TTLL5: variants seen among roughly 807,000 people sequenced by gnomAD.
The protein encoded by TTLL5 is tubulin polyglutamylase TTLL5.
TTLL5 carries 132 observed loss-of-function variants against 168.4 expected under a neutral mutation model. The ratio of observed to expected loss-of-function variants is 0.78; its 90% CI spans 0.68 to 0.91. TTLL5 has a LOEUF of 0.91. Ranked by LOEUF, TTLL5 falls within the 40% of genes least tolerant of loss-of-function variation. The pLI, the probability that TTLL5 is intolerant of heterozygous loss-of-function variation, is 0.00. For synonymous variants in TTLL5, 546 were observed against 558.6 expected (o/e 0.98, Z 0.32); for missense variants, 1,545 against 1,581.5 (o/e 0.98, Z 0.39).
chr14:75,895,430 T>C (rs1168464080), intron 30 of TTLL5, among the ~76,000 whole-genome samples: 3 of 152,104 alleles, frequency 2.0e-5, no homozygotes, highest in Non-Finnish European at 2.9e-5. Flanking sequence ...ATGTCACAAA[T>C]GAAGGCTCCG....
chr14:75,839,262 C>T lies in TTLL5; in HGVS notation c.3326+19101C>T, dbSNP rs1406142554. The stretch of plus-strand genomic sequence containing the variant: ...TTTGTCTTGGAGAAGAAGAGTAATT[C>T]TATTTTTAAGTTTTCGAGGAACCAT... On this transcript the variant is annotated intron_variant, in intron 28 of 31. Coordinates refer to ENST00000298832, the MANE Select transcript of TTLL5 (RefSeq NM_015072.5). 3 of 152,298 alleles carry T rather than the reference C, an allele frequency of 2.0e-5. No homozygotes were observed. The East Asian group carries it at 5.8e-4, about 29-fold the overall frequency. 9.4% of individuals were successfully genotyped at this position (152,298 alleles called of 1,614,324 possible).
intron 19 of TTLL5, among the ~76,000 whole-genome samples, chr14:75,765,728 T>A (rs527827662): frequency 6.6e-6 from 1 of 152,140 alleles, no homozygotes; most frequent in South Asian, 2.1e-4. Flanking sequence ...CTGGGTATGG[T>A]AACATGTGCC....
chr14:75,813,994 T>G (rs1894228054), intron 27 of TTLL5, among the ~76,000 whole-genome samples: 1 of 152,194 alleles, frequency 6.6e-6, no homozygotes, highest in Admixed American at 6.5e-5. Context: ...TGACCTCCAC[T>G]TTAATATCCT....
chr14:75,696,618 AT>A (rs1311527220), intron 6 of TTLL5, among the ~76,000 whole-genome samples: 1 of 152,234 alleles, frequency 6.6e-6, no homozygotes, highest in African/African-American at 2.4e-5. Flanking sequence ...TATAAATTAT[AT>A]TTTTTGAAAG....
intron 21 of TTLL5, among the ~76,000 whole-genome samples, chr14:75,773,982 AGAGAGAGAGAGAGAGAGC>A (rs1566598324): frequency 2.0e-5 from 3 of 148,280 alleles, no homozygotes; most frequent in African/African-American, 7.4e-5. Flanking sequence ...AGAGAGAGAG[AGAGAGAGAGAGAGAGAGC>A]GAGAGTACAA....
chr14:75,915,949 G>A (rs2033600329), intron 31 of TTLL5, among the ~76,000 whole-genome samples: 1 of 152,128 alleles, frequency 6.6e-6, no homozygotes, highest in Non-Finnish European at 1.5e-5. Context: ...GCAACACAGT[G>A]AAACACCGTC....
intron 27 of TTLL5, among the ~76,000 whole-genome samples, chr14:75,801,115 A>G (rs1401700613): frequency 6.6e-6 from 1 of 152,084 alleles, no homozygotes; most frequent in Non-Finnish European, 1.5e-5. Flanking sequence ...TTCTTCAGCT[A>G]CCAGGACAGG....
In TTLL5 at chr14:75,782,544, C is replaced by T. The variant is rs142328630; in HGVS notation, c.2573C>T (p.Thr858Met). The change falls in exon 25 of 32, where the codon ACG becomes ATG. Residue 858 changes from threonine (T) to methionine (M), a missense_variant. Transcript: ENST00000298832. ...ATAAAGCCACCTAAACAGCAACAGA[C>T]GACAGAAATTCATTCTGATAAATTA... is the stretch of plus-strand genomic sequence containing the variant. ...VKIKPPKQQQ[T>M]TEIHSDKLSR... 41 of 1,613,660 alleles carry T rather than the reference C, an allele frequency of 2.5e-5. No homozygotes were observed. The highest frequency in any genetic ancestry group is 1.6e-4 in the Middle Eastern group (1 of 6,082).
At chr14:75,922,751 G>A (rs1010060017) in intron 31 of TTLL5, among the ~76,000 whole-genome samples, 1 of 152,334 alleles carries the variant, frequency 6.6e-6, no homozygotes, top group East Asian at 1.9e-4. Context: ...CATAAAATGA[G>A]TTAGGGAGGT....
At chr14:75,707,490 T>C (rs979279791) in intron 8 of TTLL5, 133 bp from the exon 9 acceptor site, 14 of 660,168 alleles carry the variant, frequency 2.1e-5, no homozygotes, top group Middle Eastern at 7.9e-4. Context: ...AGTCAAGGTG[T>C]GTGAGCAGTG....
chr14:75,795,710 A>C (rs1176844743), intron 27 of TTLL5, among the ~76,000 whole-genome samples: 1 of 152,156 alleles, frequency 6.6e-6, no homozygotes, highest in Non-Finnish European at 1.5e-5. Flanking sequence ...TTCACTTAGA[A>C]TAATGGTCTC....
chr14:75,864,213 A>C (rs919776374), intron 29 of TTLL5, among the ~76,000 whole-genome samples: 2 of 152,180 alleles, frequency 1.3e-5, no homozygotes, highest in Non-Finnish European at 2.9e-5. Context: ...TTGTATTTTA[A>C]GCATCTTTAT....
At chr14:75,714,748 T>C (rs1011637622) in intron 9 of TTLL5, among the ~76,000 whole-genome samples, 1 of 152,340 alleles carries the variant, frequency 6.6e-6, no homozygotes, top group South Asian at 2.1e-4. Context: ...TTCTCTATTC[T>C]ATCCCTGGAA....
At chr14:75,951,192 G>A (rs558693975) in intron 31 of TTLL5, among the ~76,000 whole-genome samples, 3 of 150,686 alleles carry the variant, frequency 2.0e-5, no homozygotes, top group South Asian at 4.2e-4. Flanking sequence ...AAAAAATAGA[G>A]AAAAAATTAG....
rs369628617 is a variant in TTLL5, at chr14:75,783,131, G to C, written c.2603-16G>C. ...TTTTCCTATAATGATGTCTTGTTTT[G>C]TTTTGTTTTTAATAGGATTTACCAC... On this transcript the variant is annotated splice_polypyrimidine_tract_variant and intron_variant, in intron 25 of 31. Transcript: ENST00000298832. 3.8e-5 allele frequency: 61 copies of C among 1,585,268 alleles called. No homozygotes were observed. Among genetic ancestry groups the C allele is most frequent in the Middle Eastern group, 3.3e-4 (2 of 5,982 alleles).
intron 29 of TTLL5, among the ~76,000 whole-genome samples, chr14:75,867,538 G>C (rs2030622758): frequency 6.6e-6 from 1 of 151,738 alleles, no homozygotes; most frequent in African/African-American, 2.4e-5. Flanking sequence ...AAGGCAGGTG[G>C]ATCACAAGGT....
chr14:75,773,137 C>T (rs1378819313), intron 21 of TTLL5, among the ~76,000 whole-genome samples: 1 of 152,104 alleles, frequency 6.6e-6, no homozygotes, highest in Non-Finnish European at 1.5e-5. Flanking sequence ...TGTTGGTTAT[C>T]CCAGAAAACA....
At chr14:75,784,286 ATAGG>A (rs2140333320) in intron 26 of TTLL5, among the ~76,000 whole-genome samples, 1 of 152,310 alleles carries the variant, frequency 6.6e-6, no homozygotes, top group East Asian at 1.9e-4. Flanking sequence ...AAATCATATA[ATAGG>A]TAGTCTTTTG....
At position 75,783,516 on chromosome 14, in the gene TTLL5, C is replaced by T. The variant is rs748847234; in HGVS notation, c.2972C>T (p.Ser991Phe). 1.2e-5 allele frequency: 19 copies of T among 1,613,320 alleles called. No individual in the cohort carries two copies. The highest frequency in any genetic ancestry group is 1.7e-5 in the Admixed American group (1 of 59,982). ...HIYSQKLSRP[S>F]SAKAGSCYLN... ...TATAGCCAGAAACTGTCTCGTCCCT[C>T]TTCAGCAAAGGCAGGTGAGTGAGAG... The change falls in exon 26 of 32, where the codon TCT (serine) becomes TTT (phenylalanine). Residue 991 changes from serine to phenylalanine, a missense_variant. By Grantham distance (155) the Ser-to-Phe change is radical (BLOSUM62 -2). Coordinates refer to ENST00000298832, the MANE Select transcript of TTLL5 (RefSeq NM_015072.5).
Sources: allele counts gnomAD v4.1 joint callset (sites outside exome capture counted in the v4.1 genomes callset), GRCh38; gene constraint gnomAD v4.1.1; transcripts MANE v1.5; gene names NCBI Gene and HGNC (gene_info 2026-07-23, HGNC 2026-07-21).